SGCZ: variants seen among roughly 807,000 people sequenced by gnomAD.
SGCZ encodes zeta-sarcoglycan.
In SGCZ, 40 loss-of-function variants were observed where a neutral mutation model predicts 41.3. The observed-to-expected ratio is 0.97, with a 90% CI of 0.75 to 1.26. SGCZ has a LOEUF of 1.26. Among genes scored for constraint, SGCZ ranks in the 50% most tolerant of loss-of-function variants. The probability of loss-of-function intolerance (pLI) is 0.00; values close to 1 mark genes in which losing one functional copy is unlikely to be tolerated. For missense variants in SGCZ, 552 were observed against 369.8 expected (o/e 1.49, Z -4.04); for synonymous variants, 206 against 137.5 (o/e 1.50, Z -3.49).
intron 2 of SGCZ, among the ~76,000 whole-genome samples, chr8:14,443,825 CT>C (rs1800347478): frequency 1.3e-5 from 2 of 152,156 alleles, no homozygotes; most frequent in South Asian, 4.1e-4. Context: ...TCTAATTAAA[CT>C]AAAGAGCTTC....
At chr8:14,144,769 T>C (rs1803472796) in intron 5 of SGCZ, among the ~76,000 whole-genome samples, 2 of 152,152 alleles carry the variant, frequency 1.3e-5, no homozygotes, top group African/African-American at 4.8e-5. Flanking sequence ...GCATGAATCC[T>C]AGGCCATCCA....
intron 4 of SGCZ, among the ~76,000 whole-genome samples, chr8:14,207,076 TTCAAATA>T (rs1396199687): frequency 1.5e-4 from 17 of 110,014 alleles, no homozygotes; most frequent in Non-Finnish European, 2.0e-4. Context: ...GTGCTCTATT[TTCAAATA>T]TCAACAATAA....
intron 4 of SGCZ, among the ~76,000 whole-genome samples, chr8:14,177,410 C>A (rs1397169348): frequency 6.6e-6 from 1 of 152,172 alleles, no homozygotes; most frequent in East Asian, 1.9e-4. Context: ...AACTGATGAG[C>A]AAGTTACAAC....
At chr8:14,243,449 C>T (rs543204370) in intron 3 of SGCZ, among the ~76,000 whole-genome samples, 3 of 152,250 alleles carry the variant, frequency 2.0e-5, no homozygotes, top group South Asian at 2.1e-4. Flanking sequence ...TCCAGTGTTA[C>T]TTAAAAATAC....
chr8:14,999,329 A>G (rs1226775258), intron 1 of SGCZ, among the ~76,000 whole-genome samples: 1 of 152,246 alleles, frequency 6.6e-6, no homozygotes, highest in Non-Finnish European at 1.5e-5. Flanking sequence ...TGTTAATTCT[A>G]GCCCATAGGA....
Position 15,135,209 on chromosome 8 carries a change from T to C in SGCZ, c.39+102376A>G, listed in dbSNP as rs368409607. ...CCATTTATTTTTCTGTGCTATTAAG[T>C]AGATCAATGTATTCCCCTAAAGGCA... On this transcript the variant is annotated intron_variant, in intron 1 of 7. Transcript: ENST00000382080. 3.9e-5 allele frequency among the ~76,000 whole-genome samples: 6 copies of C among 152,314 alleles called. No homozygotes were observed. The South Asian group carries it at 8.3e-4, about 21-fold the overall frequency.
intron 1 of SGCZ, among the ~76,000 whole-genome samples, chr8:14,864,541 C>T (rs147998038): frequency 5.3e-5 from 8 of 151,944 alleles, no homozygotes; most frequent in African/African-American, 7.2e-5. Flanking sequence ...TCTTGTGTCC[C>T]GGTGACTTGT....
chr8:14,487,143 C>T (rs1263746697), intron 2 of SGCZ, among the ~76,000 whole-genome samples: 1 of 152,126 alleles, frequency 6.6e-6, no homozygotes, highest in African/African-American at 2.4e-5. Context: ...GTTATCCAAA[C>T]TGTCCTCTCT....
At chr8:14,567,244 G>A (rs1229543918) in intron 1 of SGCZ, among the ~76,000 whole-genome samples, 1 of 152,208 alleles carries the variant, frequency 6.6e-6, no homozygotes, top group Non-Finnish European at 1.5e-5. Flanking sequence ...GGGACTTGCA[G>A]GCAACTCCAT....
At chr8:14,206,763 G>T (rs1170539099) in intron 4 of SGCZ, among the ~76,000 whole-genome samples, 3 of 152,128 alleles carry the variant, frequency 2.0e-5, no homozygotes, top group Non-Finnish European at 4.4e-5. Context: ...GTTAGGAATG[G>T]CCATGCCAGT....
chr8:15,022,238 G>C (rs888298154), intron 1 of SGCZ, among the ~76,000 whole-genome samples: 3 of 152,096 alleles, frequency 2.0e-5, no homozygotes, highest in Non-Finnish European at 4.4e-5. Context: ...AATTCAGTGA[G>C]GTAGGTGAAT....
At chr8:14,444,908 G>A (rs1585523090) in intron 2 of SGCZ, among the ~76,000 whole-genome samples, 1 of 152,040 alleles carries the variant, frequency 6.6e-6, no homozygotes, top group South Asian at 2.1e-4. Context: ...CTCAACGCTG[G>A]ATTCCAAACA....
chr8:14,516,272 CT>C (rs951377314), intron 2 of SGCZ, among the ~76,000 whole-genome samples: 5 of 151,094 alleles, frequency 3.3e-5, no homozygotes, highest in Non-Finnish European at 5.9e-5. Flanking sequence ...TCAGTAGGTA[CT>C]TTTTTTTTGC....
chr8:14,801,228 G>A (rs1011371252), intron 1 of SGCZ, among the ~76,000 whole-genome samples: 2 of 152,108 alleles, frequency 1.3e-5, no homozygotes, highest in African/African-American at 4.8e-5. Flanking sequence ...TTGAAACAGA[G>A]AAGATAAACA....
At chr8:14,551,482 A>ATATATAT in intron 2 of SGCZ, among the ~76,000 whole-genome samples, 1 of 2,058 alleles carries the variant, frequency 4.9e-4, no homozygotes, top group African/African-American at 6.8e-4. Flanking sequence ...ATTATATATT[A>ATATATAT]TATATATTAT....
intron 1 of SGCZ, among the ~76,000 whole-genome samples, chr8:15,105,471 G>GCA (rs1563128450): frequency 2.6e-5 from 4 of 152,142 alleles, no homozygotes; most frequent in Non-Finnish European, 5.9e-5. Flanking sequence ...GGGGAAGTAA[G>GCA]CACGTCTTAC....
chr8:14,621,092 T>C (rs868218794), intron 1 of SGCZ, among the ~76,000 whole-genome samples: 14 of 152,108 alleles, frequency 9.2e-5, no homozygotes, highest in African/African-American at 3.4e-4. Flanking sequence ...ATATACACCA[T>C]GGAATACTAT....
At chr8:14,198,635 A>T (rs1375794523) in intron 4 of SGCZ, among the ~76,000 whole-genome samples, 1 of 152,202 alleles carries the variant, frequency 6.6e-6, no homozygotes, top group African/African-American at 2.4e-5. Context: ...ATCTTTTTAA[A>T]TCTTAGTGAA....
At chr8:14,787,798 A>T (rs1371200577) in intron 1 of SGCZ, among the ~76,000 whole-genome samples, 1 of 151,992 alleles carries the variant, frequency 6.6e-6, no homozygotes, top group Non-Finnish European at 1.5e-5. Context: ...GTGACCTAAG[A>T]TCTCATCACT....
Sources: allele counts gnomAD v4.1 joint callset (sites outside exome capture counted in the v4.1 genomes callset), GRCh38; gene constraint gnomAD v4.1.1; transcripts MANE v1.5; gene names NCBI Gene and HGNC (gene_info 2026-07-23, HGNC 2026-07-21).